Variants in CACNA1A observed in about 807,000 individuals in gnomAD.
CACNA1A encodes voltage-dependent P/Q-type calcium channel subunit alpha-1A.
In CACNA1A, 57 loss-of-function variants were observed where a neutral mutation model predicts 262.4. The observed-to-expected ratio is 0.22, with a 90% confidence interval of 0.18 to 0.27. The LOEUF (loss-of-function observed/expected upper bound fraction) is 0.27, where lower values mean the gene tolerates loss of function less well. CACNA1A is among the 10% of genes least tolerant of loss of function. The pLI is 1.00. For missense variants in CACNA1A, 2,526 were observed against 3,562.8 expected (o/e 0.71, Z 7.41); for synonymous variants, 1,431 against 1,419.3 (o/e 1.01, Z -0.18).
chr19:13,283,423 G>A, intron 21 of CACNA1A, 27 bp from the exon 22 acceptor site: 1 of 1,613,446 alleles, frequency 6.2e-7, no homozygotes, highest in South Asian at 1.1e-5. Flanking sequence ...GGCGTGCAGA[G>A]GTCCACTCAG....
chr19:13,361,783 G>A (rs892197538), intron 5 of CACNA1A, among the ~76,000 whole-genome samples: 1 of 152,180 alleles, frequency 6.6e-6, no homozygotes, highest in African/African-American at 2.4e-5. Flanking sequence ...ATACAGGTTG[G>A]AAGGCAAAAA....
At chr19:13,444,245 A>AGTCCT (rs2060771954) in intron 3 of CACNA1A, among the ~76,000 whole-genome samples, 1 of 152,196 alleles carries the variant, frequency 6.6e-6, no homozygotes, top group East Asian at 1.9e-4. Context: ...TGACTGATCC[A>AGTCCT]TGGAGGGGAG....
At chr19:13,387,801 G>T (rs2059641493) in intron 3 of CACNA1A, among the ~76,000 whole-genome samples, 1 of 152,184 alleles carries the variant, frequency 6.6e-6, no homozygotes, top group South Asian at 2.1e-4. Context: ...TGAGGCTGCA[G>T]TGAGCTACGT....
intron 17 of CACNA1A, among the ~76,000 whole-genome samples, chr19:13,301,477 G>A (rs977740306): frequency 2.0e-5 from 3 of 152,236 alleles, no homozygotes; most frequent in Non-Finnish European, 2.9e-5. Context: ...ACAGGAAGGC[G>A]GTGGGGAGAG....
Position 13,225,064 on chromosome 19 carries a change from C to T in CACNA1A, c.5626-292G>A, listed in dbSNP as rs569123118. On this transcript the variant is annotated intron_variant, in intron 37 of 46. Transcript: ENST00000360228. ...GTTTGCCTCAACCCTTGCCCCACCC[C>T]CGCCCTGCCCCAGAGTTCTTCTGGA... 1.1e-4 allele frequency: 37 copies of T among 322,184 alleles called. 1 individual carries two copies. Among genetic ancestry groups the T allele is most frequent in the African/African-American group, 7.8e-4 (37 of 47,262 alleles). 20.0% of individuals were successfully genotyped at this position (322,184 alleles called of 1,614,324 possible). A position where few individuals can be genotyped will look rare whatever the true frequency, so the allele number is the denominator to read the frequency against.
At chr19:13,268,335 C>T (rs999779360) in intron 24 of CACNA1A, among the ~76,000 whole-genome samples, 1 of 152,086 alleles carries the variant, frequency 6.6e-6, no homozygotes, top group Non-Finnish European at 1.5e-5. Flanking sequence ...GACTGGAGAT[C>T]CAGGTTAGAA....
At chr19:13,288,238 T>C (rs201815298) in intron 19 of CACNA1A, among the ~76,000 whole-genome samples, 3,447 of 133,034 alleles carry the variant, frequency 0.026, 72 homozygotes, top group East Asian at 0.067. Context: ...TCTTTTTCTT[T>C]TTTCTTTTTT....
In CACNA1A at chr19:13,252,977, A is replaced by G. The variant is rs758243756; in HGVS notation, c.4866+14T>C. On this transcript the variant is annotated intron_variant, in intron 30 of 46. Coordinates refer to ENST00000360228, the MANE Select transcript of CACNA1A (RefSeq NM_001127222.2). ...CTCCCAAGCCCATAGCTGTAGCCCC[A>G]AGGTGGTACTTACCAGAATCCCAAA... 6.5e-7 allele frequency: 1 copy of G among 1,543,734 alleles called. No individual in the cohort carries two copies. Among genetic ancestry groups the G allele is most frequent in the Non-Finnish European group, 9.0e-7 (1 of 1,116,276 alleles).
intron 1 of CACNA1A, among the ~76,000 whole-genome samples, chr19:13,490,464 G>A (rs1323481971): frequency 6.6e-6 from 1 of 152,094 alleles, no homozygotes; most frequent in Non-Finnish European, 1.5e-5. Context: ...TTAGCTGGGT[G>A]TGGTGGCGCG....
At chr19:13,419,091 C>T (rs894491191) in intron 3 of CACNA1A, among the ~76,000 whole-genome samples, 2 of 152,128 alleles carry the variant, frequency 1.3e-5, no homozygotes, top group African/African-American at 2.4e-5. Flanking sequence ...GAAGGAGTTT[C>T]GCCATGTTGG....
At chr19:13,245,690 G>C (rs1007940734) in intron 30 of CACNA1A, 1 of 59,450 alleles carries the variant, frequency 1.7e-5, no homozygotes, top group Non-Finnish European at 3.2e-5. Flanking sequence ...TTTTTTTTTT[G>C]AGATGGAGTC....
intron 31 of CACNA1A, among the ~76,000 whole-genome samples, chr19:13,238,119 G>A (rs2055941594): frequency 1.3e-5 from 2 of 152,140 alleles, no homozygotes; most frequent in South Asian, 2.1e-4. Context: ...TGGGGGAAGG[G>A]TACTAGTCTG....
intron 3 of CACNA1A, among the ~76,000 whole-genome samples, chr19:13,376,776 CAT>C (rs1319641824): frequency 1.6e-5 from 2 of 125,312 alleles, no homozygotes; most frequent in African/African-American, 3.4e-5. Context: ...ATATATAACA[CAT>C]AATATATGTG....
At chr19:13,380,749 G>GTTTGTTTATTTA (rs1335528398) in intron 3 of CACNA1A, among the ~76,000 whole-genome samples, 14 of 80,968 alleles carry the variant, frequency 1.7e-4, no homozygotes, top group Non-Finnish European at 3.1e-4. Flanking sequence ...TTGTTTGTTT[G>GTTTGTTTATTTA]TTTATTTATT....
intron 1 of CACNA1A, among the ~76,000 whole-genome samples, chr19:13,459,394 T>C (rs2061073701): frequency 6.6e-6 from 1 of 152,190 alleles, no homozygotes; most frequent in African/African-American, 2.4e-5. Context: ...GGCTTCCTTT[T>C]GTCACCAGCT....
At chr19:13,213,078 C>G (rs2054877414) in intron 40 of CACNA1A, among the ~76,000 whole-genome samples, 2 of 152,170 alleles carry the variant, frequency 1.3e-5, no homozygotes, top group Admixed American at 1.3e-4. Flanking sequence ...TTGCTTAGAA[C>G]CCTCCATGGC....
chr19:13,367,365 A>C (rs2059233758), intron 4 of CACNA1A, among the ~76,000 whole-genome samples: 1 of 150,102 alleles, frequency 6.7e-6, no homozygotes, highest in Admixed American at 6.7e-5. Flanking sequence ...ATGAAGCCCC[A>C]TGTTTGCCCA....
Position 13,455,143 on chromosome 19 carries a change from C to T in CACNA1A, c.363G>A (p.Leu121=). Residue 121 remains leucine, a synonymous_variant, in exon 2 of 47, where the codon CTG becomes CTA. Coordinates refer to ENST00000360228, the MANE Select transcript of CACNA1A (RefSeq NM_001127222.2). ...ACATCGGGGTCTTGTCATCATCAGG[C>T]AGATGCTGCTCCAGTGCGAGGACGA... ...NCIVLALEQH[L]PDDDKTPMSE... 1 of 1,612,338 alleles carries T rather than the reference C, an allele frequency of 6.2e-7. No individual in the cohort carries two copies. Among genetic ancestry groups the T allele is most frequent in the Non-Finnish European group, 8.5e-7 (1 of 1,178,506 alleles).
intron 3 of CACNA1A, among the ~76,000 whole-genome samples, chr19:13,376,201 C>G (rs2059402331): frequency 6.6e-6 from 1 of 152,192 alleles, no homozygotes; most frequent in South Asian, 2.1e-4. Flanking sequence ...ATTAATGAAG[C>G]TGGCAACACT....
Sources: allele counts gnomAD v4.1 joint callset (sites outside exome capture counted in the v4.1 genomes callset), GRCh38; gene constraint gnomAD v4.1.1; transcripts MANE v1.5; gene names NCBI Gene and HGNC (gene_info 2026-07-23, HGNC 2026-07-21).